FAM81A: variants seen among roughly 807,000 people sequenced by gnomAD.
FAM81A encodes protein FAM81A.
A neutral mutation model predicts 46.7 loss-of-function variants in FAM81A; 19 were observed. The observed-to-expected ratio is 0.41, with a 90% CI of 0.28 to 0.60. The LOEUF (loss-of-function observed/expected upper bound fraction) is 0.60, where lower values mean the gene tolerates loss of function less well. FAM81A is among the 20% of genes least tolerant of loss of function. The pLI is 0.34. For synonymous variants in FAM81A, 183 were observed against 152.9 expected, an observed-to-expected ratio of 1.20 and a Z score of -1.45; for missense variants, 377 against 453.5, an observed-to-expected ratio of 0.83 and a Z score of 1.53.
chr15:59,470,499 T>G (rs2141676088), intron 3 of FAM81A, among the ~76,000 whole-genome samples: 1 of 152,332 alleles, frequency 6.6e-6, no homozygotes, highest in South Asian at 2.1e-4. Context: ...TTGAATCGGC[T>G]ATTGAAGCTT....
chr15:59,449,289 T>A (rs2081387429), intron 1 of FAM81A, among the ~76,000 whole-genome samples: 1 of 152,190 alleles, frequency 6.6e-6, no homozygotes, highest in East Asian at 1.9e-4. Flanking sequence ...GTAATTTATT[T>A]CTTTTAAATT....
Position 59,520,764 on chromosome 15 carries a change from C to T in FAM81A, c.983-490C>T, listed in dbSNP as rs146908761. On this transcript the variant is annotated intron_variant, in intron 8 of 8. Transcript: ENST00000288228. Reference sequence around the variant, plus strand: ...ATTTTTAGTAGAGACAGGGTTTCGCCGTGTTGGCCAGGCTGGCTCGAACTC... The same window carrying T: ...ATTTTTAGTAGAGACAGGGTTTCGCTGTGTTGGCCAGGCTGGCTCGAACTC... Among the ~76,000 whole-genome samples, 1,042 of 152,160 alleles carry T rather than the reference C, an allele frequency of 6.8e-3. 10 individuals carry two copies. The highest frequency in any genetic ancestry group is 0.024 in the African/African-American group (986 of 41,484).
chr15:59,447,868 A>G (rs1206216524), intron 1 of FAM81A, among the ~76,000 whole-genome samples: 5 of 152,328 alleles, frequency 3.3e-5, no homozygotes, highest in African/African-American at 1.2e-4. Context: ...AGGAGGCCTC[A>G]GATACAGGAG....
At chr15:59,503,404 T>C (rs1352991776) in intron 4 of FAM81A, among the ~76,000 whole-genome samples, 1 of 152,122 alleles carries the variant, frequency 6.6e-6, no homozygotes, top group African/African-American at 2.4e-5. Context: ...GTCTAATAAG[T>C]TTCTTTACAG....
intron 3 of FAM81A, among the ~76,000 whole-genome samples, chr15:59,461,267 G>C (rs117151432): frequency 6.6e-6 from 1 of 151,976 alleles, no homozygotes; most frequent in Non-Finnish European, 1.5e-5. Context: ...TACAATATGA[G>C]GTCTTTCGCA....
intron 1 of FAM81A, among the ~76,000 whole-genome samples, chr15:59,447,840 G>T (rs2081368952): frequency 6.6e-6 from 1 of 152,158 alleles, no homozygotes; most frequent in Admixed American, 6.5e-5. Flanking sequence ...GACCATGGAG[G>T]CATCTAGGCA....
At position 59,479,027 on chromosome 15, in the gene FAM81A, C is replaced by G. The variant is rs144708071; in HGVS notation, c.295-13244C>G. On this transcript the variant is annotated intron_variant, in intron 3 of 8. Transcript: ENST00000288228. ...AATCACTCACTAATCCACTAACCCA[C>G]TAACAGCCAGGCATTGTTAGAGGCA... is the stretch of plus-strand genomic sequence containing the variant. Among the ~76,000 whole-genome samples, 12 of 152,358 alleles carry G rather than the reference C, an allele frequency of 7.9e-5. 1 individual carries two copies. In the South Asian group the frequency reaches 2.5e-3, roughly 32 times the overall value.
intron 1 of FAM81A, among the ~76,000 whole-genome samples, chr15:59,454,650 G>A (rs890155329): frequency 7.9e-5 from 12 of 151,752 alleles, no homozygotes; most frequent in African/African-American, 2.7e-4. Context: ...TTTTGAGACA[G>A]GGTCTTACTC....
At chr15:59,508,469 C>G (rs1489659691) in intron 5 of FAM81A, among the ~76,000 whole-genome samples, 3 of 152,134 alleles carry the variant, frequency 2.0e-5, no homozygotes, top group Non-Finnish European at 4.4e-5. Context: ...GGAGGTAAAT[C>G]TGAGACCTTG....
intron 1 of FAM81A, among the ~76,000 whole-genome samples, chr15:59,454,096 T>G (rs1242100635): frequency 6.6e-6 from 1 of 152,186 alleles, no homozygotes; most frequent in Non-Finnish European, 1.5e-5. Flanking sequence ...CAGCTGTCTT[T>G]CCAGACAAAC....
chr15:59,424,992 A>G (rs1164922343), intron 2 of FAM81A, among the ~76,000 whole-genome samples: 1 of 152,096 alleles, frequency 6.6e-6, no homozygotes, highest in African/African-American at 2.4e-5. Context: ...GCAACTTTCA[A>G]ACTTCAACAT....
At chr15:59,472,322 A>G (rs1445105279) in intron 3 of FAM81A, among the ~76,000 whole-genome samples, 3 of 152,072 alleles carry the variant, frequency 2.0e-5, no homozygotes, top group Admixed American at 6.6e-5. Flanking sequence ...TGGGTAACAG[A>G]GGGAGATGCT....
Position 59,404,699 on chromosome 15 carries a change from C to T in FAM81A, c.-78+2341C>T, listed in dbSNP as rs187151109. ...CTCCAGCCCCTGGCCTCAAGTGGTC[C>T]TCCCACCTTGGCCTCCCAAAGTGCT... On this transcript the variant is annotated intron_variant, in intron 2 of 4. Coordinates refer to the FAM81A transcript ENST00000558348. 5.3e-5 allele frequency among the ~76,000 whole-genome samples: 8 copies of T among 152,314 alleles called. No homozygotes were observed. The East Asian group carries it at 1.5e-3, about 29-fold the overall frequency.
At chr15:59,464,711 T>G (rs1016296912) in intron 3 of FAM81A, among the ~76,000 whole-genome samples, 22 of 152,364 alleles carry the variant, frequency 1.4e-4, no homozygotes, top group African/African-American at 4.8e-4. Flanking sequence ...TTCTGGATAT[T>G]AATCCCCTAT....
chr15:59,502,188 T>C (rs1015969534), intron 4 of FAM81A, among the ~76,000 whole-genome samples: 5 of 151,486 alleles, frequency 3.3e-5, no homozygotes, highest in Non-Finnish European at 7.4e-5. Flanking sequence ...TATTTTATTT[T>C]ATTATTATTA....
intron 4 of FAM81A, among the ~76,000 whole-genome samples, chr15:59,500,639 G>A (rs1228468001): frequency 1.3e-5 from 2 of 151,568 alleles, no homozygotes; most frequent in Non-Finnish European, 2.9e-5. Flanking sequence ...ATATGTTGGT[G>A]CATTTACTGG....
chr15:59,488,159 A>G (rs1321093811), intron 3 of FAM81A, among the ~76,000 whole-genome samples: 1 of 152,218 alleles, frequency 6.6e-6, no homozygotes, highest in Non-Finnish European at 1.5e-5. Flanking sequence ...AACAAAATGA[A>G]AGACAAAAAG....
chr15:59,440,407 G>A (rs1381534656), intron 1 of FAM81A, among the ~76,000 whole-genome samples: 5 of 151,940 alleles, frequency 3.3e-5, no homozygotes, highest in Non-Finnish European at 7.4e-5. Context: ...AGGTACAGTG[G>A]GGATCTCTTC....
In FAM81A at chr15:59,522,810, CTG is replaced by C. The variant is rs2082340301; in HGVS notation, c.*1434_*1435del. 1 of 152,584 alleles carries C rather than the reference CTG, an allele frequency of 6.6e-6. No homozygotes were observed. The highest frequency in any genetic ancestry group is 1.5e-5 in the Non-Finnish European group (1 of 68,028). The allele number at this position is 152,584 out of a possible 1,614,324, so 9.5% of individuals were successfully genotyped here. ...AAATGAAGTGTCTAACTGGCTATTA[CTG>C]TTTACCCATATAAAATATGCTGCTA... is the stretch of plus-strand genomic sequence containing the variant. On this transcript the variant is annotated 3_prime_UTR_variant, in exon 9 of 9. Transcript: ENST00000288228.
Sources: allele counts gnomAD v4.1 joint callset (sites outside exome capture counted in the v4.1 genomes callset), GRCh38; gene constraint gnomAD v4.1.1; transcripts MANE v1.5; gene names NCBI Gene and HGNC (gene_info 2026-07-23, HGNC 2026-07-21).